Variants in AKAP12 observed in about 807,000 individuals in gnomAD.
AKAP12 encodes the protein A-kinase anchor protein 12.
A neutral mutation model predicts 79.9 loss-of-function variants in AKAP12; 32 were observed. That is an observed-to-expected ratio of 0.40 (90% CI 0.30 to 0.54). The LOEUF is 0.54. Ranked by LOEUF, AKAP12 falls within the 20% of genes least tolerant of loss-of-function variation. The pLI, the probability that AKAP12 is intolerant of heterozygous loss-of-function variation, is 0.48. For synonymous variants in AKAP12, 808 were observed against 857.0 expected (o/e 0.94, Z 1.00); for missense variants, 2,074 against 2,177.0 (o/e 0.95, Z 0.94).
Position 151,349,944 on chromosome 6 carries a change from AG to A in AKAP12, c.1554del (p.Lys518AsnfsTer8), listed in dbSNP as rs1355532428. Reference protein sequence around the residue: ...RMKVQGSPLKKLFTSTGLKKL... With the variant: ...RMKVQGSPLKXLFTSTGLKKL... ...AAGGTGCAGGGAAGTCCACTAAAGAAGCTTTTTACCAGCACTGGCTTAAAAA... is the reference window on the plus strand; with the variant it reads ...AAGGTGCAGGGAAGTCCACTAAAGAACTTTTTACCAGCACTGGCTTAAAAA... On this transcript the variant is annotated frameshift_variant, in exon 4 of 5. Coordinates refer to ENST00000402676, the MANE Select transcript of AKAP12 (RefSeq NM_005100.4). LOFTEE classifies it high-confidence loss of function. The A allele has an allele frequency of 6.2e-7, 1 of 1,614,210 alleles. No homozygotes were observed. Among genetic ancestry groups the A allele is most frequent in the South Asian group, 1.1e-5 (1 of 91,072 alleles).
chr6:151,305,408 A>G (rs1432296537), intron 2 of AKAP12, among the ~76,000 whole-genome samples: 1 of 152,178 alleles, frequency 6.6e-6, no homozygotes, highest in Non-Finnish European at 1.5e-5. Context: ...CTTCCATAGT[A>G]ATTTGTAAGC....
intron 2 of AKAP12, among the ~76,000 whole-genome samples, chr6:151,283,015 TCTTA>T (rs1776437799): frequency 6.6e-6 from 1 of 152,208 alleles, no homozygotes; most frequent in Non-Finnish European, 1.5e-5. Flanking sequence ...AGGATTTCTT[TCTTA>T]CTTCTCGGCC....
rs548029463 is a variant in AKAP12, at chr6:151,329,317, T to C, written c.320-19394T>C. On this transcript the variant is annotated intron_variant, in intron 3 of 4. Coordinates refer to ENST00000402676, the MANE Select transcript of AKAP12 (RefSeq NM_005100.4). ...TTTTAGTAGAGACGAGGTTTCGCCA[T>C]GTTGGCCAGGCTGGTCTTGAACTCC... 2.7e-3 allele frequency among the ~76,000 whole-genome samples: 413 copies of C among 152,254 alleles called. 3 individuals are homozygous for C. Among genetic ancestry groups the C allele is most frequent in the African/African-American group, 9.7e-3 (403 of 41,524 alleles).
At chr6:151,250,500 AAAAT>A (rs1169289326) in intron 2 of AKAP12, among the ~76,000 whole-genome samples, 2 of 150,658 alleles carry the variant, frequency 1.3e-5, no homozygotes, top group African/African-American at 5.0e-5. Flanking sequence ...ACTCCATCTT[AAAAT>A]AAATAAATAA....
At chr6:151,284,140 A>G (rs2114727833) in intron 2 of AKAP12, among the ~76,000 whole-genome samples, 1 of 152,324 alleles carries the variant, frequency 6.6e-6, no homozygotes, top group South Asian at 2.1e-4. Context: ...CCAGTGCCCC[A>G]GAAGCCTCCC....
At chr6:151,290,792 TAGAGAC>T in intron 2 of AKAP12, among the ~76,000 whole-genome samples, 1 of 152,284 alleles carries the variant, frequency 6.6e-6, no homozygotes, top group Non-Finnish European at 1.5e-5. Context: ...TTATTTTTAG[TAGAGAC>T]GGGGTTTCTC....
chr6:151,282,077 C>T (rs1457967039), intron 2 of AKAP12, among the ~76,000 whole-genome samples: 1 of 151,504 alleles, frequency 6.6e-6, no homozygotes, highest in Non-Finnish European at 1.5e-5. Context: ...TCTCAGCTGC[C>T]CATACATCTA....
chr6:151,349,336 G>T lies in AKAP12; in HGVS notation c.945G>T (p.Lys315Asn). ...AGWRKKTSFR[K>N]PKEDEVEASE... ...GGCGCAAAAAGACCAGTTTCAGGAAGCCGAAGGAGGATGAAGTGGAAGCTT... is the reference window on the plus strand; with the variant it reads ...GGCGCAAAAAGACCAGTTTCAGGAATCCGAAGGAGGATGAAGTGGAAGCTT... The change falls in exon 4 of 5, where the codon AAG becomes AAT. Residue 315 changes from lysine (K) to asparagine (N), a missense_variant. This residue lies in a region of AKAP12 where 1,428 missense variants were observed against 1,451.0 expected (regional missense o/e 0.98). Coordinates refer to ENST00000402676, the MANE Select transcript of AKAP12 (RefSeq NM_005100.4). 1 of 1,614,094 alleles carries T rather than the reference G, an allele frequency of 6.2e-7. No individual in the cohort carries two copies. The highest frequency in any genetic ancestry group is 8.5e-7 in the Non-Finnish European group (1 of 1,180,006).
chr6:151,255,642 T>G (rs1797277982), intron 2 of AKAP12, among the ~76,000 whole-genome samples: 1 of 151,890 alleles, frequency 6.6e-6, no homozygotes, highest in Non-Finnish European at 1.5e-5. Flanking sequence ...TACAAGAAAT[T>G]AGCCAAGCAT....
intron 2 of AKAP12, among the ~76,000 whole-genome samples, chr6:151,263,578 T>C (rs1797482597): frequency 6.6e-6 from 1 of 152,030 alleles, no homozygotes; most frequent in Admixed American, 6.6e-5. Flanking sequence ...TTTTCTTTTC[T>C]TTTCTTTTTT....
In AKAP12 at chr6:151,240,729, G is replaced by T; in HGVS notation, c.162+5G>T. 8.0e-7 allele frequency: 1 copy of T among 1,255,072 alleles called. No homozygotes were observed. The highest frequency in any genetic ancestry group is 3.2e-5 in the South Asian group (1 of 30,830). The allele number at this position is 1,255,072 out of a possible 1,614,324, so 77.7% of individuals were successfully genotyped here. A position where few individuals can be genotyped will look rare whatever the true frequency, so the allele number is the denominator to read the frequency against. ...GCCTCGGACCCCGCCACCAAGGTACGGGCGTGCCGGGCCACCTGCGCCGGG... is the reference window on the plus strand; with the variant it reads ...GCCTCGGACCCCGCCACCAAGGTACTGGCGTGCCGGGCCACCTGCGCCGGG... On this transcript the variant is annotated splice_donor_5th_base_variant and intron_variant, in intron 2 of 4. Coordinates refer to ENST00000402676, the MANE Select transcript of AKAP12 (RefSeq NM_005100.4).
chr6:151,293,298 G>A (rs929058230), intron 2 of AKAP12, among the ~76,000 whole-genome samples: 2 of 152,236 alleles, frequency 1.3e-5, no homozygotes, highest in Non-Finnish European at 2.9e-5. Flanking sequence ...TGACTTGCAC[G>A]TATGCTGTAG....
At chr6:151,267,077 G>T (rs570545961) in intron 2 of AKAP12, among the ~76,000 whole-genome samples, 10 of 150,456 alleles carry the variant, frequency 6.6e-5, no homozygotes, top group African/African-American at 2.2e-4. Context: ...GGAATGATAG[G>T]GTTTTAGATT....
At chr6:151,317,895 A>T (rs1420538574) in intron 3 of AKAP12, among the ~76,000 whole-genome samples, 2 of 152,168 alleles carry the variant, frequency 1.3e-5, no homozygotes, top group African/African-American at 4.8e-5. Context: ...TTTCCAGATA[A>T]CTGTTAGCTG....
intron 3 of AKAP12, among the ~76,000 whole-genome samples, chr6:151,338,469 T>TCC (rs1328459028): frequency 2.8e-4 from 40 of 142,930 alleles, no homozygotes; most frequent in African/African-American, 1.0e-3. Context: ...TTTTTTTTTT[T>TCC]CCCCGAGATG....
At position 151,352,917 on chromosome 6, in the gene AKAP12, AGTG is replaced by A; in HGVS notation, c.4528_4530del (p.Trp1510del). The A allele has an allele frequency of 6.2e-7, 1 of 1,614,168 alleles. No individual in the cohort carries two copies. The highest frequency in any genetic ancestry group is 1.1e-5 in the South Asian group (1 of 91,080). ...GAAGGAGAGAAAACCACATCACTGA[AGTG>A]GAAGTCAGATGAAGTCGATGAGCAG... On this transcript the variant is annotated inframe_deletion, in exon 4 of 5. Coordinates refer to ENST00000402676, the MANE Select transcript of AKAP12 (RefSeq NM_005100.4).
At chr6:151,242,809 C>CG (rs1797004010) in intron 2 of AKAP12, among the ~76,000 whole-genome samples, 1 of 152,198 alleles carries the variant, frequency 6.6e-6, no homozygotes, top group South Asian at 2.1e-4. Context: ...TGCCGACCAA[C>CG]GGTGTTCCTT....
At chr6:151,246,289 G>A (rs1443526420) in intron 2 of AKAP12, among the ~76,000 whole-genome samples, 1 of 152,098 alleles carries the variant, frequency 6.6e-6, no homozygotes, top group Non-Finnish European at 1.5e-5. Flanking sequence ...GTGGTGGCAG[G>A]TGCCTGTAAT....
At chr6:151,330,686 A>T (rs1309909146) in intron 3 of AKAP12, among the ~76,000 whole-genome samples, 1 of 152,236 alleles carries the variant, frequency 6.6e-6, no homozygotes, top group African/African-American at 2.4e-5. Context: ...AGTTTTGGAT[A>T]AAAACATTAA....
Sources: allele counts gnomAD v4.1 joint callset (sites outside exome capture counted in the v4.1 genomes callset), GRCh38; gene constraint gnomAD v4.1.1; regional missense constraint gnomAD v4.1.1; transcripts MANE v1.5; gene names NCBI Gene and HGNC (gene_info 2026-07-23, HGNC 2026-07-21).